ACYP2: variants seen among roughly 807,000 people sequenced by gnomAD.
ACYP2 encodes the protein acylphosphatase 2.
A neutral mutation model predicts 11.2 loss-of-function variants in ACYP2; 12 were observed. The ratio of observed to expected loss-of-function variants is 1.08; its 90% CI spans 0.69 to 1.74. The LOEUF is 1.74. Ranked by LOEUF, ACYP2 falls within the 40% of genes most tolerant of loss-of-function variation. The probability of loss-of-function intolerance (pLI) is 0.00; values close to 1 mark genes in which losing one functional copy is unlikely to be tolerated. For missense variants in ACYP2, 134 were observed against 101.9 expected (o/e 1.31, Z -1.35); for synonymous variants, 43 against 32.2 (o/e 1.33, Z -1.13).
chr2:54,267,888 A>C (rs1184084194), intron 6 of ACYP2, among the ~76,000 whole-genome samples: 2 of 152,218 alleles, frequency 1.3e-5, no homozygotes, highest in Non-Finnish European at 2.9e-5. Flanking sequence ...AATAGATTTG[A>C]AATATTGTGC....
intron 2 of ACYP2, among the ~76,000 whole-genome samples, chr2:53,980,567 A>G (rs1230786612): frequency 6.6e-6 from 1 of 152,078 alleles, no homozygotes; most frequent in African/African-American, 2.4e-5. Context: ...AAATAAAAAA[A>G]TAAAGAAAAT....
At chr2:54,152,968 C>A (rs575287033) in intron 6 of ACYP2, among the ~76,000 whole-genome samples, 1 of 152,186 alleles carries the variant, frequency 6.6e-6, no homozygotes, top group Non-Finnish European at 1.5e-5. Context: ...CAGCTGGTTT[C>A]TTCCAAGTTT....
intron 2 of ACYP2, among the ~76,000 whole-genome samples, chr2:54,025,641 A>T (rs996106229): frequency 2.0e-5 from 3 of 152,218 alleles, no homozygotes; most frequent in African/African-American, 7.2e-5. Flanking sequence ...ATAACATCAG[A>T]AAAACTCTTC....
At chr2:54,167,240 T>G (rs1683022852) in intron 6 of ACYP2, among the ~76,000 whole-genome samples, 2 of 152,256 alleles carry the variant, frequency 1.3e-5, no homozygotes, top group Non-Finnish European at 2.9e-5. Flanking sequence ...ACATGTTCAT[T>G]GTTTCTCCTA....
intron 6 of ACYP2, among the ~76,000 whole-genome samples, chr2:54,205,075 T>C (rs1050595384): frequency 4.6e-5 from 7 of 152,312 alleles, no homozygotes; most frequent in African/African-American, 1.7e-4. Context: ...ATTTGGCTTT[T>C]GTAAAAGTTG....
chr2:54,033,846 A>T (rs1366013944), intron 2 of ACYP2, among the ~76,000 whole-genome samples: 2 of 152,136 alleles, frequency 1.3e-5, no homozygotes, highest in East Asian at 3.9e-4. Flanking sequence ...GAACATAATG[A>T]TTTTTTCTCC....
intron 4 of ACYP2, among the ~76,000 whole-genome samples, chr2:54,119,051 CTTTTTTTTTTT>C (rs10542497): frequency 1.6e-3 from 69 of 43,774 alleles, no homozygotes; most frequent in South Asian, 0.012. Context: ...TCTTAGTAGT[CTTTTTTTTTTT>C]TTTTTTTTTT....
chr2:54,077,685 G>C (rs1677418718), intron 4 of ACYP2, among the ~76,000 whole-genome samples: 1 of 152,198 alleles, frequency 6.6e-6, no homozygotes, highest in East Asian at 1.9e-4. Flanking sequence ...AAGGAGGCTA[G>C]AAAGTACAGA....
At chr2:53,984,080 C>T (rs1553348223) in intron 2 of ACYP2, among the ~76,000 whole-genome samples, 5 of 151,938 alleles carry the variant, frequency 3.3e-5, no homozygotes, top group Non-Finnish European at 5.9e-5. Context: ...ATCATCATCA[C>T]CATCATCATC....
intron 6 of ACYP2, among the ~76,000 whole-genome samples, chr2:54,302,570 C>T (rs1032773084): frequency 5.3e-5 from 8 of 152,170 alleles, no homozygotes; most frequent in Admixed American, 1.3e-4. Context: ...TTATAACTTT[C>T]GATACTTTCT....
intron 6 of ACYP2, among the ~76,000 whole-genome samples, chr2:54,240,864 T>C (rs1686702212): frequency 6.6e-6 from 1 of 152,240 alleles, no homozygotes; most frequent in Non-Finnish European, 1.5e-5. Flanking sequence ...CCTTTCACCT[T>C]TGACACATAA....
At chr2:53,976,081 T>C (rs772612665) in intron 2 of ACYP2, among the ~76,000 whole-genome samples, 27 of 152,242 alleles carry the variant, frequency 1.8e-4, no homozygotes, top group Non-Finnish European at 1.9e-4. Flanking sequence ...TAATCACTTA[T>C]TAGCAGTGAA....
intron 2 of ACYP2, among the ~76,000 whole-genome samples, chr2:54,021,313 A>G (rs1673998053): frequency 6.6e-6 from 1 of 152,174 alleles, no homozygotes; most frequent in African/African-American, 2.4e-5. Context: ...GAACTGGTGG[A>G]AAAGATTGTT....
intron 4 of ACYP2, among the ~76,000 whole-genome samples, chr2:54,061,714 G>A (rs759961817): frequency 2.0e-5 from 3 of 152,122 alleles, no homozygotes; most frequent in Non-Finnish European, 4.4e-5. Context: ...GTAACAAATG[G>A]CCACAAGCAG....
intron 6 of ACYP2, chr2:54,142,074 A>G (rs1681640052): frequency 2.5e-6 from 1 of 402,308 alleles, no homozygotes; most frequent in Non-Finnish European, 4.4e-6. Flanking sequence ...GTGTCTCACT[A>G]TGTTGCTCAG....
intron 6 of ACYP2, among the ~76,000 whole-genome samples, chr2:54,150,614 G>T (rs1467976630): frequency 2.0e-5 from 3 of 152,058 alleles, no homozygotes; most frequent in African/African-American, 4.8e-5. Context: ...TAGAGATGGG[G>T]TTTCACCATG....
intron 5 of ACYP2, among the ~76,000 whole-genome samples, chr2:54,136,705 G>C (rs1681261305): frequency 6.6e-6 from 1 of 152,182 alleles, no homozygotes; most frequent in African/African-American, 2.4e-5. Flanking sequence ...GCCGGATGCA[G>C]TGGCTCGCGC....
chr2:54,292,800 A>T (rs1689366015), intron 6 of ACYP2, among the ~76,000 whole-genome samples: 1 of 152,168 alleles, frequency 6.6e-6, no homozygotes, highest in Admixed American at 6.5e-5. Context: ...TATTTGTGAC[A>T]TGTCATTTTA....
intron 4 of ACYP2, among the ~76,000 whole-genome samples, chr2:54,076,842 G>C (rs2103658035): frequency 6.6e-6 from 1 of 152,270 alleles, no homozygotes; most frequent in East Asian, 1.9e-4. Context: ...ACACTTAGCA[G>C]CTGTCTATAC....
Sources: gnomAD v4.1 joint callset for allele counts (sites outside exome capture counted in the v4.1 genomes callset) on GRCh38, gnomAD v4.1.1 for gene constraint, MANE v1.5 for transcripts, NCBI Gene and HGNC (gene_info 2026-07-23, HGNC 2026-07-21) for gene names.